Variants in B3GALT1 observed in about 807,000 individuals in gnomAD.
The protein encoded by B3GALT1 is beta-1,3-galactosyltransferase 1.
In B3GALT1, 10 loss-of-function variants were observed where a neutral mutation model predicts 23.2. That is an observed-to-expected ratio of 0.43 (90% CI 0.27 to 0.73). The LOEUF (loss-of-function observed/expected upper bound fraction) is 0.73, where lower values mean the gene tolerates loss of function less well. B3GALT1 is among the 30% of genes least tolerant of loss of function. The pLI is 0.21. For missense variants in B3GALT1, 299 were observed against 405.4 expected (o/e 0.74, Z 2.25); for synonymous variants, 156 against 141.5 (o/e 1.10, Z -0.73).
rs562469823 is a variant in B3GALT1 at position 167,710,543 on chromosome 2, C to T, written c.-352+63577C>T. The stretch of plus-strand genomic sequence containing the variant: ...TTAGAATTGGTTGTGCTTCTCAAAG[C>T]ATTGTCTGCAGGTCCTCCTCGATGT... On this transcript the variant is annotated intron_variant, in intron 3 of 4. Coordinates refer to ENST00000392690, the MANE Select transcript of B3GALT1 (RefSeq NM_020981.4). Among the ~76,000 whole-genome samples, 3 of 152,300 alleles carry T rather than the reference C, an allele frequency of 2.0e-5. No homozygotes were observed. In the South Asian group the frequency reaches 6.2e-4, roughly 32 times the overall value.
intron 2 of B3GALT1, among the ~76,000 whole-genome samples, chr2:167,525,965 C>T (rs1683212566): frequency 6.6e-6 from 1 of 151,946 alleles, no homozygotes; most frequent in African/African-American, 2.4e-5. Flanking sequence ...ATCACAGTCC[C>T]CAACATTTTG....
At chr2:167,755,557 A>T (rs536782005) in intron 3 of B3GALT1, among the ~76,000 whole-genome samples, 1 of 150,330 alleles carries the variant, frequency 6.7e-6, no homozygotes, top group African/African-American at 2.4e-5. Context: ...GGCAAACCTC[A>T]CCCACCTAAC....
At chr2:167,415,562 C>A (rs2105298257) in intron 1 of B3GALT1, among the ~76,000 whole-genome samples, 1 of 152,228 alleles carries the variant, frequency 6.6e-6, no homozygotes, top group African/African-American at 2.4e-5. Context: ...GGGTAATGGG[C>A]TGCAGCTACA....
chr2:167,809,951 T>C (rs836711), intron 3 of B3GALT1, among the ~76,000 whole-genome samples: 67,454 of 151,188 alleles, frequency 0.45, 17,192 homozygotes, highest in African/African-American at 0.7. Flanking sequence ...GCTTCCTGGC[T>C]GCTTTGTTTA....
At chr2:167,687,080 CTAATTTA>C (rs1464864615) in intron 3 of B3GALT1, among the ~76,000 whole-genome samples, 1 of 152,182 alleles carries the variant, frequency 6.6e-6, no homozygotes, top group Non-Finnish European at 1.5e-5. Flanking sequence ...GAGAAGCTCT[CTAATTTA>C]TTTCACAACA....
intron 1 of B3GALT1, among the ~76,000 whole-genome samples, chr2:167,426,525 C>A (rs1050880412): frequency 7.2e-5 from 11 of 152,126 alleles, no homozygotes; most frequent in African/African-American, 2.7e-4. Context: ...GATCCACCCA[C>A]CTTGACCTCC....
chr2:167,576,542 T>G (rs965964929), intron 2 of B3GALT1, among the ~76,000 whole-genome samples: 9 of 148,366 alleles, frequency 6.1e-5, no homozygotes, highest in Admixed American at 5.3e-4. Context: ...GTTTTTTTTT[T>G]TTGTTTTTTT....
chr2:167,333,057 A>G (rs1039285010), intron 1 of B3GALT1, among the ~76,000 whole-genome samples: 1 of 152,216 alleles, frequency 6.6e-6, no homozygotes, highest in Non-Finnish European at 1.5e-5. Flanking sequence ...AATTCTAGGT[A>G]ATGATGGCAA....
intron 3 of B3GALT1, among the ~76,000 whole-genome samples, chr2:167,706,262 C>A (rs1574223421): frequency 1.3e-5 from 2 of 152,288 alleles, no homozygotes; most frequent in Middle Eastern, 6.8e-3. Flanking sequence ...GGACACTAAT[C>A]TTTCTAATTG....
intron 2 of B3GALT1, among the ~76,000 whole-genome samples, chr2:167,536,106 T>C (rs191561740): frequency 3.3e-5 from 5 of 152,194 alleles, no homozygotes; most frequent in Non-Finnish European, 1.5e-5. Flanking sequence ...GTGATTTCAC[T>C]ATGTTGATCA....
chr2:167,383,709 G>T (rs778716243), intron 1 of B3GALT1, among the ~76,000 whole-genome samples: 1 of 152,166 alleles, frequency 6.6e-6, no homozygotes, highest in Non-Finnish European at 1.5e-5. Context: ...TGAGTATCTA[G>T]ATACTTAGTC....
chr2:167,736,432 G>A (rs918059324), intron 3 of B3GALT1, among the ~76,000 whole-genome samples: 2 of 152,178 alleles, frequency 1.3e-5, no homozygotes, highest in East Asian at 3.9e-4. Context: ...TGCCTTAGGG[G>A]TTCAAGGCAG....
chr2:167,451,365 A>AT (rs1699088158), intron 1 of B3GALT1, among the ~76,000 whole-genome samples: 1 of 151,978 alleles, frequency 6.6e-6, no homozygotes, highest in South Asian at 2.1e-4. Flanking sequence ...TGCTGTTCAC[A>AT]TTTTTTTGTC....
intron 3 of B3GALT1, among the ~76,000 whole-genome samples, chr2:167,687,117 C>A (rs920693364): frequency 6.6e-6 from 1 of 152,146 alleles, no homozygotes; most frequent in Non-Finnish European, 1.5e-5. Context: ...TGTGCTCTGA[C>A]CCTGAGTGAC....
intron 4 of B3GALT1, among the ~76,000 whole-genome samples, chr2:167,856,603 T>G: frequency 6.6e-6 from 1 of 151,112 alleles, no homozygotes; most frequent in African/African-American, 2.4e-5. Flanking sequence ...AAAGCGGGAG[T>G]GAAAGAAGAG....
intron 1 of B3GALT1, among the ~76,000 whole-genome samples, chr2:167,445,155 T>G (rs1021842778): frequency 3.9e-5 from 6 of 152,250 alleles, no homozygotes; most frequent in Non-Finnish European, 7.3e-5. Context: ...GTTGTTCAGT[T>G]TCCATGTTGT....
chr2:167,791,660 G>A (rs1011904384), intron 3 of B3GALT1, among the ~76,000 whole-genome samples: 1 of 152,090 alleles, frequency 6.6e-6, no homozygotes, highest in African/African-American at 2.4e-5. Context: ...AATCCATTTT[G>A]TAAAATATAG....
intron 1 of B3GALT1, among the ~76,000 whole-genome samples, chr2:167,413,204 T>C (rs1315552600): frequency 1.3e-5 from 2 of 151,942 alleles, no homozygotes; most frequent in African/African-American, 4.8e-5. Flanking sequence ...GATGGGGGGA[T>C]AGAAAAAAAT....
At chr2:167,635,536 C>T (rs370910335) in intron 2 of B3GALT1, among the ~76,000 whole-genome samples, 14 of 152,098 alleles carry the variant, frequency 9.2e-5, no homozygotes, top group African/African-American at 3.4e-4. Context: ...AAATCACAAG[C>T]ATTCCTATAC....
Sources: gnomAD v4.1 joint callset for allele counts (sites outside exome capture counted in the v4.1 genomes callset) on GRCh38, gnomAD v4.1.1 for gene constraint, MANE v1.5 for transcripts, NCBI Gene and HGNC (gene_info 2026-07-23, HGNC 2026-07-21) for gene names.